The following SI variants were observed in gnomAD, a reference collection of about 807,000 sequenced individuals.
SI encodes sucrase-isomaltase.
Under a neutral mutation model 253.3 loss-of-function variants are expected in SI, and 235 were observed. That is an observed-to-expected ratio of 0.93 (90% CI 0.83 to 1.03). SI has a LOEUF of 1.03. Among genes scored for constraint, SI ranks in the 50% least tolerant of loss-of-function variants. The pLI is 0.00. For missense variants in SI, 2,442 were observed against 2,211.1 expected (o/e 1.10, Z -2.09); for synonymous variants, 819 against 712.0 (o/e 1.15, Z -2.39).
chr3:164,989,373 GAAGAAAGAAAGAAAGGAAGAAAGAAAGA>G lies in SI; in HGVS notation c.5108+1952_5108+1979del, dbSNP rs1374079395. On this transcript the variant is annotated intron_variant, in intron 44 of 47. Coordinates refer to ENST00000264382, the MANE Select transcript of SI (RefSeq NM_001041.4). ...AGAAAGAAGAAAGAAAGAAAGAAAG[GAAGAAAGAAAGAAAGGAAGAAAGAAAGA>G]AAGAAAGAAAGAAAGAAAGAAAGAA... 1.5e-3 allele frequency among the ~76,000 whole-genome samples: 186 copies of G among 120,692 alleles called. 1 individual carries two copies. The Middle Eastern group carries it at 0.017, about 11-fold the overall frequency. The allele number at this position is 120,692 out of a possible 152,430, so 79.2% of individuals were successfully genotyped here.
At chr3:165,032,191 C>T (rs1559998561) in intron 24 of SI, among the ~76,000 whole-genome samples, 1 of 150,982 alleles carries the variant, frequency 6.6e-6, no homozygotes, top group Admixed American at 6.7e-5. Context: ...TTTTCTTTTG[C>T]GTGCAATAGG....
chr3:165,070,358 ATATATATGTGTG>A, intron 3 of SI, among the ~76,000 whole-genome samples: 1 of 142,736 alleles, frequency 7.0e-6, no homozygotes, highest in Non-Finnish European at 1.5e-5. Context: ...ATATATATAT[ATATATATGTGTG>A]TGTGTGTGTG....
At position 165,006,817 on chromosome 3, in the gene SI, C is replaced by T. The variant is rs1436122664; in HGVS notation, c.4405G>A (p.Asp1469Asn). The T allele has an allele frequency of 1.9e-6, 3 of 1,611,898 alleles. No homozygotes were observed. The highest frequency in any genetic ancestry group is 3.3e-5 in the Admixed American group (2 of 59,960). ...AGGATAATTCAGAACATTGCTTACT[C>T]ATGAGTAGGTTTCATCTGTGACCAT... is the stretch of plus-strand genomic sequence containing the variant. ...YGWSQMKPTHDALQKTTGKRG... is the reference protein window; with the variant it reads ...YGWSQMKPTHNALQKTTGKRG... Residue 1469 changes from aspartate to asparagine, a missense_variant and splice_region_variant, in exon 37 of 48, where the codon GAT becomes AAT. Coordinates refer to ENST00000264382, the MANE Select transcript of SI (RefSeq NM_001041.4).
At position 165,063,477 on chromosome 3, in the gene SI, G is replaced by A; in HGVS notation, c.872C>T (p.Ser291Leu). 6.4e-7 allele frequency: 1 copy of A among 1,556,736 alleles called. No homozygotes were observed. Among genetic ancestry groups the A allele is most frequent in the Non-Finnish European group, 8.8e-7 (1 of 1,131,354 alleles). ...FMCIEDTSGK[S>L]FGVFLMNSNA... Reference sequence around the variant, plus strand: ...GCTATTCATTAAAAAAACACCGAATGACTTTCCAGATGTATCTTCAATACA... The same window carrying A: ...GCTATTCATTAAAAAAACACCGAATAACTTTCCAGATGTATCTTCAATACA... The change falls in exon 8 of 48, where the codon TCA (serine) becomes TTA (leucine). Residue 291 changes from serine to leucine, a missense_variant. By Grantham distance (145) the Ser-to-Leu change is moderately radical. Transcript: ENST00000264382.
At chr3:165,001,247 A>T (rs1718243149) in intron 37 of SI, among the ~76,000 whole-genome samples, 1 of 151,406 alleles carries the variant, frequency 6.6e-6, no homozygotes, top group African/African-American at 2.4e-5. Context: ...TTATTTTAGA[A>T]TACAGACTGC....
At chr3:165,083,152 A>T (rs1308331725), upstream of SI, among the ~76,000 whole-genome samples, 1 of 151,838 alleles carries the variant, frequency 6.6e-6, no homozygotes, top group Non-Finnish European at 1.5e-5. Flanking sequence ...TTAACAGCTA[A>T]TTTTTCATTT....
intron 3 of SI, among the ~76,000 whole-genome samples, chr3:165,070,208 A>T (rs1714472224): frequency 7.0e-6 from 1 of 143,548 alleles, no homozygotes; most frequent in Admixed American, 7.0e-5. Flanking sequence ...TATATTATAT[A>T]TAAAATATGT....
At chr3:165,057,177 G>C (rs571623867) in intron 12 of SI, among the ~76,000 whole-genome samples, 130 of 151,906 alleles carry the variant, frequency 8.6e-4, no homozygotes, top group Non-Finnish European at 1.6e-3. Flanking sequence ...AACTTGAGCT[G>C]AAAACTGCAA....
Position 165,039,042 on chromosome 3 carries a change from T to C in SI, c.2301+36A>G, listed in dbSNP as rs1010177301. 2.2e-6 allele frequency: 3 copies of C among 1,333,574 alleles called. No individual in the cohort carries two copies. The East Asian group carries it at 7.0e-5, about 31-fold the overall frequency. The allele number at this position is 1,333,574 out of a possible 1,614,324, so 82.6% of individuals were successfully genotyped here. A position where few individuals can be genotyped will look rare whatever the true frequency, so the allele number is the denominator to read the frequency against. ...TATGTAGAAGTGTTTGAAAATATAA[T>C]ACTTGTGAGTCCATTAGTATGTTAA... On this transcript the variant is annotated intron_variant, in intron 20 of 47. Coordinates refer to ENST00000264382, the MANE Select transcript of SI (RefSeq NM_001041.4).
At chr3:165,049,984 C>T (rs1713344762) in intron 13 of SI, 109 bp from the exon 14 acceptor site, 3 of 709,494 alleles carry the variant, frequency 4.2e-6, no homozygotes, top group African/African-American at 1.8e-5. Flanking sequence ...CCATAATGCT[C>T]GTTAATTCCT....
At position 165,017,661 on chromosome 3, in the gene SI, G is replaced by A. The variant is rs1227245687; in HGVS notation, c.3646C>T (p.Pro1216Ser). 1.2e-6 allele frequency: 2 copies of A among 1,612,628 alleles called. No homozygotes were observed. Among genetic ancestry groups the A allele is most frequent in the East Asian group, 2.2e-5 (1 of 44,738 alleles). The change falls in exon 31 of 48, where the codon CCA (proline) becomes TCA (serine). Residue 1216 changes from proline to serine, a missense_variant. Pro to Ser is a moderately conservative substitution (Grantham distance 74). Transcript: ENST00000264382. ...TKQYHEVIGH[P>S]VMPAYWALGF... Reference sequence around the variant, plus strand: ...AAAGCCCAATAAGCTGGCATGACTGGATGGCCAATTACCTTTAAAAAAAAT... The same window carrying A: ...AAAGCCCAATAAGCTGGCATGACTGAATGGCCAATTACCTTTAAAAAAAAT...
intron 16 of SI, among the ~76,000 whole-genome samples, chr3:165,045,035 T>C (rs1359727853): frequency 6.6e-6 from 1 of 152,078 alleles, no homozygotes; most frequent in Non-Finnish European, 1.5e-5. Flanking sequence ...AAATTATACA[T>C]GCATGGGCCT....
In SI at chr3:165,018,035, T is replaced by C. The variant is rs1719127437; in HGVS notation, c.3455A>G (p.Tyr1152Cys). The C allele has an allele frequency of 1.2e-6, 2 of 1,610,242 alleles. No homozygotes were observed. The highest frequency in any genetic ancestry group is 2.7e-5 in the African/African-American group (2 of 74,794). ...YKLNSYGFHP[Y>C]YMALEEEGNA... ...GCCCTCCTCTTCCAGAGCCATGTAA[T>C]AGGGATGAAATCCATAGGAATTAAG... Residue 1152 changes from tyrosine to cysteine, a missense_variant, in exon 29 of 48, where the codon TAT becomes TGT. Physicochemically the swap from Tyr to Cys is radical, Grantham distance 194. Coordinates refer to ENST00000264382, the MANE Select transcript of SI (RefSeq NM_001041.4).
intron 12 of SI, among the ~76,000 whole-genome samples, chr3:165,057,867 C>T (rs1265499002): frequency 6.6e-6 from 1 of 151,990 alleles, no homozygotes; most frequent in African/African-American, 2.4e-5. Context: ...CAGCATTGTA[C>T]AGATCATCCA....
chr3:165,040,909 T>A, intron 18 of SI, 31 bp downstream of exon 18: 2 of 1,543,088 alleles, frequency 1.3e-6, no homozygotes, highest in South Asian at 2.2e-5. Flanking sequence ...CTTTAAAAGG[T>A]ATTATTATAA....
chr3:165,026,701 A>G (rs1479181645), intron 25 of SI, among the ~76,000 whole-genome samples: 3 of 151,606 alleles, frequency 2.0e-5, no homozygotes, highest in East Asian at 1.9e-4. Context: ...TGCAAATTAA[A>G]TAATATGCTC....
At chr3:165,049,995 A>G (rs1390193322) in intron 13 of SI, 120 bp from the exon 14 acceptor site, 20 of 686,820 alleles carry the variant, frequency 2.9e-5, no homozygotes, top group Non-Finnish European at 4.8e-5. Flanking sequence ...GTTAATTCCT[A>G]GAAGATAAAT....
chr3:165,024,662 C>A (rs765169834), intron 25 of SI, among the ~76,000 whole-genome samples: 7 of 151,118 alleles, frequency 4.6e-5, no homozygotes, highest in African/African-American at 7.3e-5. Context: ...CAATTCTCCA[C>A]CCTCTCTCTT....
In SI at chr3:165,036,424, T is replaced by C. The variant is rs1258673676; in HGVS notation, c.2480A>G (p.Lys827Arg). The change falls in exon 22 of 48, where the codon AAA becomes AGA. Residue 827 changes from lysine (K) to arginine (R), a missense_variant. Lys to Arg is a conservative substitution (Grantham distance 26). Transcript: ENST00000264382. Reference sequence around the variant, plus strand: ...TCCATCATCCCAGAAAAAGTCTCCTTTGGCTGTGTTGTTTTCACCTAATGC... The same window carrying C: ...TCCATCATCCCAGAAAAAGTCTCCTCTGGCTGTGTTGTTTTCACCTAATGC... ...IVALGENNTA[K>R]GDFFWDDGET... The C allele has an allele frequency of 1.2e-6, 2 of 1,611,692 alleles. No homozygotes were observed. Among genetic ancestry groups the C allele is most frequent in the Non-Finnish European group, 1.7e-6 (2 of 1,178,422 alleles).
Sources: allele counts gnomAD v4.1 joint callset (sites outside exome capture counted in the v4.1 genomes callset), GRCh38; gene constraint gnomAD v4.1.1; transcripts MANE v1.5; gene names NCBI Gene and HGNC (gene_info 2026-07-23, HGNC 2026-07-21).